BDNF: variants seen among roughly 807,000 people sequenced by gnomAD.
BDNF encodes brain derived neurotrophic factor, also known as neurotrophic factor BDNF precursor form.
BDNF carries 1 observed loss-of-function variant against 19.5 expected under a neutral mutation model. That is an observed-to-expected ratio of 0.05 (90% CI 0.02 to 0.24). BDNF has a LOEUF of 0.24. Ranked by LOEUF, BDNF falls within the 10% of genes least tolerant of loss-of-function variation. The pLI is 1.00. For missense variants in BDNF, 195 were observed against 317.6 expected (o/e 0.61, Z 2.93); for synonymous variants, 100 against 121.6 (o/e 0.82, Z 1.17).
At chr11:27,694,586 CTTTTT>C (rs34321446) in intron 1 of BDNF, among the ~76,000 whole-genome samples, 5 of 123,546 alleles carry the variant, frequency 4.0e-5, no homozygotes, top group African/African-American at 6.1e-5. Flanking sequence ...GGTTCCATAA[CTTTTT>C]TTTTTTTTTT....
chr11:27,692,865 A>T (rs1858484050), intron 1 of BDNF, among the ~76,000 whole-genome samples: 1 of 152,218 alleles, frequency 6.6e-6, no homozygotes, highest in African/African-American at 2.4e-5. Context: ...TCAAAAATAC[A>T]TCACACATGT....
chr11:27,716,418 C>T (rs1860510887), intron 1 of BDNF, among the ~76,000 whole-genome samples: 1 of 146,924 alleles, frequency 6.8e-6, no homozygotes, highest in South Asian at 2.2e-4. Flanking sequence ...CTAGAAAACA[C>T]ACACAGAGAC....
At chr11:27,677,822 T>C (rs1368704925) in intron 1 of BDNF, 1 of 152,232 alleles carries the variant, frequency 6.6e-6, no homozygotes, top group Non-Finnish European at 1.5e-5. Context: ...ATCTAGTGGC[T>C]TTACTTTTGA....
intron 1 of BDNF, among the ~76,000 whole-genome samples, chr11:27,710,791 C>T (rs1860293474): frequency 6.6e-6 from 1 of 152,188 alleles, no homozygotes; most frequent in African/African-American, 2.4e-5. Flanking sequence ...TCTAAACATA[C>T]TAAATCCTAA....
chr11:27,703,979 G>T (rs1232206226), upstream of BDNF, among the ~76,000 whole-genome samples: 1 of 152,080 alleles, frequency 6.6e-6, no homozygotes, highest in African/African-American at 2.4e-5. Context: ...TTTTTTATTT[G>T]CTTAATTCAG....
intron 1 of BDNF, among the ~76,000 whole-genome samples, chr11:27,686,653 C>A (rs1192815147): frequency 6.6e-6 from 1 of 152,156 alleles, no homozygotes; most frequent in African/African-American, 2.4e-5. Flanking sequence ...TACTTCACTT[C>A]TGAAGCTTAG....
intron 1 of BDNF, chr11:27,720,620 T>C (rs1860711941): frequency 1.0e-6 from 1 of 985,348 alleles, no homozygotes. Context: ...AGGGTTGGCT[T>C]TACAGCGGGG....
At chr11:27,701,706 A>C, upstream of BDNF, 1 of 720,656 alleles carries the variant, frequency 1.4e-6, no homozygotes, top group Non-Finnish European at 1.7e-6. Flanking sequence ...CTCGAAATAG[A>C]CACTCTAGTG....
In BDNF at chr11:27,659,648, T is replaced by TGTGTGC. The variant is rs756767477; in HGVS notation, c.-21-1064_-21-1063insGCACAC. 2.3e-4 allele frequency: 230 copies of TGTGTGC among 980,504 alleles called. No individual in the cohort carries two copies. In the East Asian group the frequency reaches 2.4e-3, roughly 10 times the overall value. The allele number at this position is 980,504 out of a possible 1,614,324, so 60.7% of individuals were successfully genotyped here. ...TTCTCTCTGTGTGTGTGTGTGTGTG[T>TGTGTGC]GCGCGCGCGCGTGTGCGCGCGCTCT... On this transcript the variant is annotated intron_variant, in intron 1 of 1. Coordinates refer to ENST00000356660, the MANE Select transcript of BDNF (RefSeq NM_001709.5).
At chr11:27,679,814 TCTGGTCGCTCA>T (rs1256889102) in intron 1 of BDNF, among the ~76,000 whole-genome samples, 1 of 152,264 alleles carries the variant, frequency 6.6e-6, no homozygotes. Context: ...CCAGCAGAGC[TCTGGTCGCTCA>T]GTTGAAGCTG....
At chr11:27,704,230 C>G (rs1029758508), upstream of BDNF, among the ~76,000 whole-genome samples, 1 of 152,126 alleles carries the variant, frequency 6.6e-6, no homozygotes. Context: ...ACCTATTTCA[C>G]TTTTGTGGGG....
chr11:27,705,553 A>G (rs1037361437), intron 1 of BDNF, among the ~76,000 whole-genome samples: 4 of 152,218 alleles, frequency 2.6e-5, no homozygotes, highest in African/African-American at 9.6e-5. Flanking sequence ...AATTTGGCCT[A>G]CTTTCATGTG....
chr11:27,691,113 A>G (rs959073432), intron 1 of BDNF: 2 of 152,252 alleles, frequency 1.3e-5, no homozygotes, highest in African/African-American at 2.4e-5. Context: ...CAGAGAGGAT[A>G]AAGAACTTCA....
At position 27,657,283 on chromosome 11, in the gene BDNF, C is replaced by T. The variant is rs1224954033; in HGVS notation, c.*538G>A. 1 of 987,010 alleles carries T rather than the reference C, an allele frequency of 1.0e-6. No individual in the cohort carries two copies. The highest frequency in any genetic ancestry group is 1.7e-5 in the African/African-American group (1 of 57,172). 61.1% of individuals were successfully genotyped at this position (987,010 alleles called of 1,614,324 possible). A position where few individuals can be genotyped will look rare whatever the true frequency, so the allele number is the denominator to read the frequency against. On this transcript the variant is annotated 3_prime_UTR_variant, in exon 2 of 2. Transcript: ENST00000356660. This position sits in a 1 kb window ranked among gnomAD's most constrained non-coding sequence, Gnocchi z 5.0. ...CACAAAACAAACAAAAATATACCCCCCATCCCCCATCCCCTAAGCCAGTAA... is the reference window on the plus strand; with the variant it reads ...CACAAAACAAACAAAAATATACCCCTCATCCCCCATCCCCTAAGCCAGTAA...
chr11:27,708,613 T>G (rs1165412153), intron 1 of BDNF, among the ~76,000 whole-genome samples: 1 of 151,956 alleles, frequency 6.6e-6, no homozygotes, highest in Non-Finnish European at 1.5e-5. Context: ...CTGATGTTTA[T>G]AAGAGCACAA....
At position 27,709,110 on chromosome 11, in the gene BDNF, T is replaced by C. The variant is rs904547489; in HGVS notation, c.3+12302A>G. Among the ~76,000 whole-genome samples the C allele has an allele frequency of 2.0e-5, 3 of 152,304 alleles. No individual in the cohort carries two copies. In the East Asian group the frequency reaches 5.8e-4, roughly 29 times the overall value. ...TCCCAAAGAGCTGGGATTACAGGCA[T>C]GAGCCACCGCGCCTGGCTAGAATTC... On this transcript the variant is annotated intron_variant, in intron 1 of 1. Transcript: ENST00000314915.
chr11:27,700,218 C>G lies in BDNF; in HGVS notation c.-76G>C. On this transcript the variant is annotated 5_prime_UTR_variant, in exon 1 of 2. Transcript: ENST00000356660. The stretch of plus-strand genomic sequence containing the variant: ...CCGGCGGCGGAGTCACATCGTGGTT[C>G]CGATTCTGGCTCCAGCGCCCAGCCC... 1.0e-6 allele frequency: 1 copy of G among 985,764 alleles called. No individual in the cohort carries two copies. Among genetic ancestry groups the G allele is most frequent in the Non-Finnish European group, 1.2e-6 (1 of 830,252 alleles). The allele number at this position is 985,764 out of a possible 1,614,324, so 61.1% of individuals were successfully genotyped here.
chr11:27,667,217 TGA>T (rs1564952272), intron 1 of BDNF, among the ~76,000 whole-genome samples: 5 of 152,086 alleles, frequency 3.3e-5, no homozygotes, highest in Non-Finnish European at 7.4e-5. Context: ...AAGCAAATGC[TGA>T]GAGATTTTGT....
At chr11:27,708,546 AT>A (rs1278821655) in intron 1 of BDNF, among the ~76,000 whole-genome samples, 4 of 151,162 alleles carry the variant, frequency 2.6e-5, no homozygotes, top group African/African-American at 9.7e-5. Flanking sequence ...TATTTATATG[AT>A]TTTGCTCTCT....
Sources: gnomAD v4.1 joint callset for allele counts (sites outside exome capture counted in the v4.1 genomes callset) on GRCh38, gnomAD v4.1.1 for gene constraint, Gnocchi (gnomAD v3.1) non-coding constraint, MANE v1.5 for transcripts, NCBI Gene and HGNC (gene_info 2026-07-23, HGNC 2026-07-21) for gene names.